RIPOR3: variants seen among roughly 807,000 people sequenced by gnomAD.
RIPOR3 encodes RIPOR family member 3, also known as family with sequence similarity 65 member C.
RIPOR3 carries 95 observed loss-of-function variants against 114.3 expected under a neutral mutation model. That is an observed-to-expected ratio of 0.83 (90% CI 0.70 to 0.99). RIPOR3 has a LOEUF of 0.99. Ranked by LOEUF, RIPOR3 falls within the 50% of genes least tolerant of loss-of-function variation. The probability of loss-of-function intolerance (pLI) is 0.00; values close to 1 mark genes in which losing one functional copy is unlikely to be tolerated. For synonymous variants in RIPOR3, 575 were observed against 543.8 expected (o/e 1.06, Z -0.80); for missense variants, 1,252 against 1,266.9 (o/e 0.99, Z 0.18).
At position 50,601,190 on chromosome 20, in the gene RIPOR3, T is replaced by C. The variant is rs544333217; in HGVS notation, c.1659+882A>G. Among the ~76,000 whole-genome samples the C allele has an allele frequency of 7.9e-5, 12 of 152,288 alleles. No individual in the cohort carries two copies. The East Asian group carries it at 1.2e-3, about 15-fold the overall frequency. On this transcript the variant is annotated intron_variant, in intron 13 of 21. Coordinates refer to ENST00000327979, the MANE Select transcript of RIPOR3 (RefSeq NM_001290268.2). ...GGCTCACGCCTGTAATCCCGGCACT[T>C]TGGGAGGCTGAGGCAGGCGGATCAC...
At position 50,589,675 on chromosome 20, in the gene RIPOR3, G is replaced by C; in HGVS notation, c.2661+11C>G. The C allele has an allele frequency of 6.2e-7, 1 of 1,612,972 alleles. No individual in the cohort carries two copies. Among genetic ancestry groups the C allele is most frequent in the South Asian group, 1.1e-5 (1 of 90,920 alleles). On this transcript the variant is annotated intron_variant, in intron 20 of 21. Transcript: ENST00000327979. ...TTCTATCAGCCACTAATGGGGAAAC[G>C]TCAGGCTCACCTTGAGGTGTTTGAG... is the stretch of plus-strand genomic sequence containing the variant.
chr20:50,682,383 T>C (rs2123613800), intron 1 of RIPOR3, among the ~76,000 whole-genome samples: 1 of 152,316 alleles, frequency 6.6e-6, no homozygotes, highest in South Asian at 2.1e-4. Flanking sequence ...TAAGGCAGGC[T>C]GATTGCTTGA....
chr20:50,590,815 C>CTTTTT (rs11476746), intron 19 of RIPOR3, among the ~76,000 whole-genome samples: 1 of 131,684 alleles, frequency 7.6e-6, no homozygotes, highest in South Asian at 2.5e-4. Context: ...GATGAAGGCC[C>CTTTTT]TTTTTTTTTT....
chr20:50,642,953 C>A lies in RIPOR3; in HGVS notation c.4-12097G>T, dbSNP rs183950391. Among the ~76,000 whole-genome samples, 137 of 152,090 alleles carry A rather than the reference C, an allele frequency of 9.0e-4. 1 individual carries two copies. Among genetic ancestry groups the A allele is most frequent in the African/African-American group, 3.1e-3 (129 of 41,542 alleles). On this transcript the variant is annotated intron_variant, in intron 1 of 21. Transcript: ENST00000327979. The stretch of plus-strand genomic sequence containing the variant: ...ATCCCAGCTACTCAGGAGGCTGAGG[C>A]AGGAGAATTGCTTGAACCCGGGAGG...
intron 13 of RIPOR3, among the ~76,000 whole-genome samples, chr20:50,600,511 C>T (rs1445113087): frequency 6.6e-6 from 1 of 152,168 alleles, no homozygotes; most frequent in Non-Finnish European, 1.5e-5. Context: ...GTAATCCCAA[C>T]GCTTCGGGAG....
At chr20:50,641,171 A>G (rs1172947595) in intron 1 of RIPOR3, among the ~76,000 whole-genome samples, 1 of 151,846 alleles carries the variant, frequency 6.6e-6, no homozygotes, top group Non-Finnish European at 1.5e-5. Context: ...TCGGCCTCCC[A>G]AAGTGCTGGG....
At chr20:50,687,010 T>C (rs1457884174) in intron 1 of RIPOR3, among the ~76,000 whole-genome samples, 1 of 152,222 alleles carries the variant, frequency 6.6e-6, no homozygotes, top group African/African-American at 2.4e-5. Flanking sequence ...GCAAGCTATC[T>C]GAACTTTTCC....
intron 1 of RIPOR3, among the ~76,000 whole-genome samples, chr20:50,687,413 A>G (rs2087065404): frequency 6.6e-6 from 1 of 152,236 alleles, no homozygotes; most frequent in Non-Finnish European, 1.5e-5. Context: ...CCTTTGGAAG[A>G]GGACTGAGGA....
chr20:50,681,642 T>A (rs2086866179), intron 1 of RIPOR3, among the ~76,000 whole-genome samples: 1 of 152,172 alleles, frequency 6.6e-6, no homozygotes, highest in Admixed American at 6.5e-5. Context: ...TTAACAGCAA[T>A]ATCTGTAAAG....
intron 1 of RIPOR3, among the ~76,000 whole-genome samples, chr20:50,682,133 C>T (rs1286224156): frequency 2.6e-5 from 4 of 152,110 alleles, no homozygotes; most frequent in African/African-American, 9.7e-5. Flanking sequence ...AGTACAAGAA[C>T]CCTCAAAGCA....
intron 1 of RIPOR3, among the ~76,000 whole-genome samples, chr20:50,685,373 C>T (rs1028696310): frequency 1.3e-5 from 2 of 151,696 alleles, no homozygotes; most frequent in Non-Finnish European, 2.9e-5. Context: ...CCCGCCACTG[C>T]GCCTGGCTAA....
chr20:50,636,476 G>T, intron 1 of RIPOR3: 1 of 892,758 alleles, frequency 1.1e-6, no homozygotes, highest in Non-Finnish European at 1.3e-6. Context: ...GGTGGCTTAG[G>T]GCAGCCCTGG....
intron 1 of RIPOR3, among the ~76,000 whole-genome samples, chr20:50,648,012 A>G (rs1600678195): frequency 6.6e-6 from 1 of 152,008 alleles, no homozygotes; most frequent in Non-Finnish European, 1.5e-5. Flanking sequence ...GCGGTGGCTC[A>G]TGCCTACAAT....
At chr20:50,646,566 T>G (rs2123367075) in intron 1 of RIPOR3, among the ~76,000 whole-genome samples, 1 of 152,310 alleles carries the variant, frequency 6.6e-6, no homozygotes, top group South Asian at 2.1e-4. Context: ...ATCCATTTCC[T>G]GTTGGAAGCA....
At chr20:50,633,295 A>G (rs1003906771) in intron 1 of RIPOR3, among the ~76,000 whole-genome samples, 16 of 152,172 alleles carry the variant, frequency 1.1e-4, no homozygotes, top group African/African-American at 3.4e-4. Context: ...AAAAATAGTC[A>G]ATTGTTAAAT....
chr20:50,620,028 T>C lies in RIPOR3; in HGVS notation c.227A>G (p.Gln76Arg). Residue 76 changes from glutamine (Q) to arginine (R), a missense_variant, in exon 3 of 22, where the codon CAG (glutamine) becomes CGG (arginine). By Grantham distance (43) the Gln-to-Arg change is conservative. Coordinates refer to ENST00000327979, the MANE Select transcript of RIPOR3 (RefSeq NM_001290268.2). ...KGSVCADPKPQQVKKIFEALK... is the reference protein window; with the variant it reads ...KGSVCADPKPRQVKKIFEALK... Reference sequence around the variant, plus strand: ...TGCTTCGAAGATCTTCTTCACCTGCTGGGGCTTCGGGTCTGCACAGACCGA... The same window carrying C: ...TGCTTCGAAGATCTTCTTCACCTGCCGGGGCTTCGGGTCTGCACAGACCGA... 1 of 1,613,628 alleles carries C rather than the reference T, an allele frequency of 6.2e-7. No individual in the cohort carries two copies. Among genetic ancestry groups the C allele is most frequent in the East Asian group, 2.2e-5 (1 of 44,870 alleles).
intron 18 of RIPOR3, 142 bp downstream of exon 18, chr20:50,592,893 C>A: frequency 8.8e-7 from 1 of 1,139,418 alleles, no homozygotes; most frequent in South Asian, 1.5e-5. Flanking sequence ...CGGCTGAACG[C>A]AGAATCTCAT....
chr20:50,587,989 C>T, intron 20 of RIPOR3, 97 bp from the exon 21 acceptor site: 6 of 1,111,810 alleles, frequency 5.4e-6, no homozygotes, highest in Non-Finnish European at 7.8e-6. Flanking sequence ...CTAGCATGGT[C>T]TCTGGGGCCT....
intron 1 of RIPOR3, among the ~76,000 whole-genome samples, chr20:50,644,463 T>A (rs1354554958): frequency 6.6e-6 from 1 of 152,118 alleles, no homozygotes; most frequent in Non-Finnish European, 1.5e-5. Context: ...TTTTATAACC[T>A]GGATTGGTAC....
Sources: gnomAD v4.1 joint callset for allele counts (sites outside exome capture counted in the v4.1 genomes callset) on GRCh38, gnomAD v4.1.1 for gene constraint, MANE v1.5 for transcripts, NCBI Gene and HGNC (gene_info 2026-07-23, HGNC 2026-07-21) for gene names.